Variants in GCKR observed in about 807,000 individuals in gnomAD.
GCKR encodes the protein glucokinase regulatory protein.
In GCKR, 73 loss-of-function variants were observed where a neutral mutation model predicts 82.9. That is an observed-to-expected ratio of 0.88 (90% CI 0.73 to 1.07). The LOEUF is 1.07. Ranked by LOEUF, GCKR falls within the 50% of genes least tolerant of loss-of-function variation. The probability of loss-of-function intolerance (pLI) is 0.00; values close to 1 mark genes in which losing one functional copy is unlikely to be tolerated. For missense variants in GCKR, 784 were observed against 782.1 expected, an observed-to-expected ratio of 1.00 and a Z score of -0.03; for synonymous variants, 294 against 291.8, an observed-to-expected ratio of 1.01 and a Z score of -0.08.
In GCKR at chr2:27,517,355, G is replaced by T. The variant is rs1345790969; in HGVS notation, c.1423-1433G>T. On this transcript the variant is annotated intron_variant, in intron 16 of 18. Coordinates refer to ENST00000264717, the MANE Select transcript of GCKR (RefSeq NM_001486.4). ...TTTAATTGACCCACAGTTCAGCATG[G>T]CTGGGGAGGCCTCAGGAAACTTACA... 2.6e-5 allele frequency among the ~76,000 whole-genome samples: 4 copies of T among 152,090 alleles called. No homozygotes were observed. In the East Asian group the frequency reaches 5.8e-4, roughly 22 times the overall value.
In GCKR at chr2:27,518,953, G is replaced by A; in HGVS notation, c.1572+16G>A. On this transcript the variant is annotated intron_variant, in intron 17 of 18. Coordinates refer to ENST00000264717, the MANE Select transcript of GCKR (RefSeq NM_001486.4). Reference sequence around the variant, plus strand: ...CATGCTGCAGGTAGGGATATGATGGGGCAGGGTTGGGTGGGACCTGGCCTC... The same window carrying A: ...CATGCTGCAGGTAGGGATATGATGGAGCAGGGTTGGGTGGGACCTGGCCTC... 1 of 1,597,106 alleles carries A rather than the reference G, an allele frequency of 6.3e-7. No homozygotes were observed. The highest frequency in any genetic ancestry group is 8.6e-7 in the Non-Finnish European group (1 of 1,166,468).
chr2:27,506,941 C>A, intron 12 of GCKR, 56 bp downstream of exon 12: 3 of 1,175,926 alleles, frequency 2.6e-6, no homozygotes, highest in Non-Finnish European at 3.8e-6. Context: ...ACCATTCGGG[C>A]TGCTCTCCAA....
intron 16 of GCKR, among the ~76,000 whole-genome samples, chr2:27,515,941 T>A (rs980540849): frequency 9.6e-4 from 70 of 72,966 alleles, no homozygotes; most frequent in Middle Eastern, 5.0e-3. Context: ...TTAAACAAAA[T>A]TTTTTTTTTT....
intron 10 of GCKR, among the ~76,000 whole-genome samples, chr2:27,506,040 C>T (rs1165383942): frequency 1.3e-5 from 2 of 152,180 alleles, no homozygotes; most frequent in Non-Finnish European, 2.9e-5. Flanking sequence ...CCAGTGGATC[C>T]TGGATTCCTC....
chr2:27,499,087 G>A (rs1479797803), intron 5 of GCKR, 55 bp from the exon 6 acceptor site: 11 of 1,026,726 alleles, frequency 1.1e-5, no homozygotes, highest in African/African-American at 3.1e-5. Flanking sequence ...GCCCTAATAC[G>A]CCATAGGCTT....
At chr2:27,499,057 C>T (rs1241012360) in intron 5 of GCKR, 85 bp from the exon 6 acceptor site, 10 of 830,274 alleles carry the variant, frequency 1.2e-5, no homozygotes, top group Middle Eastern at 2.2e-4. Flanking sequence ...TCCCTTTATG[C>T]GCATCTCTTA....
rs763271651 is a variant in GCKR at position 27,505,884 on chromosome 2, G to GA, written c.869+49dup. On this transcript the variant is annotated intron_variant, in intron 10 of 18. Coordinates refer to ENST00000264717, the MANE Select transcript of GCKR (RefSeq NM_001486.4). ...AGAGCTCAGAGTCAGGCGAGTGTGA[G>GA]ATGGTGTGGATGGAGATTGGCAGGT... 1.0e-5 allele frequency: 10 copies of GA among 999,838 alleles called. No individual in the cohort carries two copies. In the East Asian group the frequency reaches 2.1e-4, roughly 21 times the overall value. The allele number at this position is 999,838 out of a possible 1,614,324, so 61.9% of individuals were successfully genotyped here.
At chr2:27,497,148 C>T in intron 1 of GCKR, 96 bp from the exon 2 acceptor site, 1 of 1,459,566 alleles carries the variant, frequency 6.9e-7, no homozygotes, top group South Asian at 1.1e-5. Context: ...GTGTGTAAGT[C>T]CAAACTCTGT....
Position 27,523,439 on chromosome 2 carries a change from A to T in GCKR, c.1878A>T (p.Ter626CysextTer44), listed in dbSNP as rs764601649. The part of the protein sequence containing the change: ...PLEILEPDVQ[*>C] ...AGATCCTAGAGCCTGACGTTCAGTG[A>T]ACCCATGTTTCTGGGTGGGTGAAAG... Residue 626 changes from the stop codon to cysteine (C), a stop_lost, in exon 19 of 19, where the codon TGA becomes TGT. Transcript: ENST00000264717. 3 of 1,604,956 alleles carry T rather than the reference A, an allele frequency of 1.9e-6. No individual in the cohort carries two copies. The highest frequency in any genetic ancestry group is 2.5e-6 in the Non-Finnish European group (3 of 1,179,922).
At chr2:27,518,970 C>G in intron 17 of GCKR, 33 bp downstream of exon 17, 1 of 1,573,290 alleles carries the variant, frequency 6.4e-7, no homozygotes. Context: ...TTGGGTGGGA[C>G]CTGGCCTCAA....
rs1669515151 is a variant in GCKR at position 27,499,382 on chromosome 2, A to G, written c.496-15A>G. On this transcript the variant is annotated splice_polypyrimidine_tract_variant and intron_variant, in intron 6 of 18. Coordinates refer to ENST00000264717, the MANE Select transcript of GCKR (RefSeq NM_001486.4). ...TCCTCCCAGTTACACTACCTTGTCC[A>G]TCCTCCTCTCCTAGGTGGCTGCCGG... The G allele has an allele frequency of 1.2e-6, 2 of 1,603,420 alleles. No homozygotes were observed. Among genetic ancestry groups the G allele is most frequent in the Non-Finnish European group, 1.7e-6 (2 of 1,170,214 alleles).
intron 9 of GCKR, among the ~76,000 whole-genome samples, chr2:27,504,053 T>G (rs1261637700): frequency 6.6e-6 from 1 of 152,238 alleles, no homozygotes; most frequent in Non-Finnish European, 1.5e-5. Flanking sequence ...CTTCTTAGGT[T>G]GAAAGCTGTT....
At chr2:27,501,853 T>C in intron 8 of GCKR, 1 of 432,786 alleles carries the variant, frequency 2.3e-6, no homozygotes, top group South Asian at 1.7e-5. Flanking sequence ...TGTGGTTCTG[T>C]GCATGAGCTG....
Position 27,501,230 on chromosome 2 carries a change from G to T in GCKR, c.644+1G>T. ...GCTTCAATCCAGTGAGCATGGCCAG[G>T]TGAGCCTTCTGGAATGACTGGGCAG... On this transcript the variant is annotated splice_donor_variant, in intron 8 of 18. Coordinates refer to ENST00000264717, the MANE Select transcript of GCKR (RefSeq NM_001486.4). LOFTEE classifies it high-confidence loss of function. 6.2e-7 allele frequency: 1 copy of T among 1,606,234 alleles called. No individual in the cohort carries two copies. The highest frequency in any genetic ancestry group is 8.5e-7 in the Non-Finnish European group (1 of 1,172,796).
chr2:27,506,350 C>T (rs111255123), intron 10 of GCKR, 131 bp from the exon 11 acceptor site: 2 of 739,130 alleles, frequency 2.7e-6, no homozygotes, highest in South Asian at 1.5e-5. Context: ...GGCCTACTCT[C>T]TGCACCTCTC....
intron 1 of GCKR, 137 bp downstream of exon 1, chr2:27,497,101 G>A: frequency 2.4e-6 from 3 of 1,231,342 alleles, no homozygotes; most frequent in Non-Finnish European, 3.6e-6. Context: ...AGAGCACCAA[G>A]TGCAGGCTGA....
chr2:27,518,666 A>G, intron 16 of GCKR, 122 bp from the exon 17 acceptor site: 1 of 822,636 alleles, frequency 1.2e-6, no homozygotes, highest in African/African-American at 1.7e-5. Context: ...CAAACAAATC[A>G]TGTTTGCATT....
chr2:27,508,530 T>G (rs1669806094), intron 16 of GCKR, among the ~76,000 whole-genome samples: 1 of 152,164 alleles, frequency 6.6e-6, no homozygotes, highest in African/African-American at 2.4e-5. Flanking sequence ...GGTTAATTAT[T>G]TTTACTTTGA....
intron 8 of GCKR, chr2:27,501,802 A>G (rs779592204): frequency 2.1e-6 from 1 of 470,932 alleles, no homozygotes; most frequent in Non-Finnish European, 4.4e-6. Context: ...GGTCACTCTT[A>G]TTTCAGAATA....
Sources: allele counts gnomAD v4.1 joint callset (sites outside exome capture counted in the v4.1 genomes callset), GRCh38; gene constraint gnomAD v4.1.1; transcripts MANE v1.5; gene names NCBI Gene and HGNC (gene_info 2026-07-23, HGNC 2026-07-21).